Variants in TMEM220 observed in about 807,000 individuals in gnomAD.
TMEM220 encodes transmembrane protein 220.
In TMEM220, 21 loss-of-function variants were observed where a neutral mutation model predicts 21.7. That is an observed-to-expected ratio of 0.97 (90% CI 0.69 to 1.39). TMEM220 has a LOEUF of 1.39. Among genes scored for constraint, TMEM220 ranks in the 40% most tolerant of loss-of-function variants. The pLI is 0.00. For missense variants in TMEM220, 191 were observed against 201.9 expected (o/e 0.95, Z 0.33); for synonymous variants, 80 against 73.6 (o/e 1.09, Z -0.45).
rs1328400116 is a variant in TMEM220, at chr17:10,713,555, T to G, written c.*1898A>C. ...CACAGGGAATTTGCAAATGAGTCTG[T>G]TTTTTTTTTGCATGTGACTTCAGTA... On this transcript the variant is annotated 3_prime_UTR_variant, in exon 6 of 6. Coordinates refer to ENST00000341871, the MANE Select transcript of TMEM220 (RefSeq NM_001004313.3). 1 of 107,530 alleles carries G rather than the reference T, an allele frequency of 9.3e-6. No individual in the cohort carries two copies. Among genetic ancestry groups the G allele is most frequent in the Admixed American group, 8.9e-5 (1 of 11,176 alleles). 6.7% of individuals were successfully genotyped at this position (107,530 alleles called of 1,614,324 possible).
chr17:10,712,720 A>G (rs939395397), downstream of TMEM220, among the ~76,000 whole-genome samples: 1 of 152,246 alleles, frequency 6.6e-6, no homozygotes, highest in South Asian at 2.1e-4. Flanking sequence ...GGATATGCCA[A>G]AGTCAGACAT....
At chr17:10,711,460 T>C (rs1163106573), downstream of TMEM220, among the ~76,000 whole-genome samples, 3 of 152,236 alleles carry the variant, frequency 2.0e-5, no homozygotes, top group African/African-American at 4.8e-5. Flanking sequence ...TGTATTCACA[T>C]GTGTTAACTA....
At chr17:10,725,945 G>T (rs781427864) in intron 3 of TMEM220, among the ~76,000 whole-genome samples, 2 of 152,172 alleles carry the variant, frequency 1.3e-5, no homozygotes, top group Non-Finnish European at 2.9e-5. Flanking sequence ...AGCCCCACTA[G>T]GAGAAACTGT....
chr17:10,716,288 A>T, intron 5 of TMEM220: 1 of 673,460 alleles, frequency 1.5e-6, no homozygotes, highest in Non-Finnish European at 2.8e-6. Flanking sequence ...GGAGGCCATA[A>T]CGCATCATCC....
chr17:10,715,596 GAC>G lies in TMEM220; in HGVS notation c.348-10_348-9del. The G allele has an allele frequency of 6.4e-7, 1 of 1,562,064 alleles. No homozygotes were observed. The highest frequency in any genetic ancestry group is 8.6e-7 in the Non-Finnish European group (1 of 1,164,640). On this transcript the variant is annotated splice_polypyrimidine_tract_variant and intron_variant, in intron 5 of 5. Transcript: ENST00000341871. ...CTTCCACCAACTGGATTCCTATAAA[GAC>G]ACAAAAATTATTATAAATAAAAATC...
chr17:10,718,568 T>G (rs950212611), intron 5 of TMEM220, among the ~76,000 whole-genome samples: 9 of 152,326 alleles, frequency 5.9e-5, no homozygotes, highest in East Asian at 1.9e-4. Flanking sequence ...AAAAATGTAC[T>G]TATGTCTATA....
chr17:10,712,336 C>G (rs368437), downstream of TMEM220, among the ~76,000 whole-genome samples: 2 of 151,858 alleles, frequency 1.3e-5, no homozygotes, highest in Admixed American at 1.3e-4. Context: ...TGGTAACATT[C>G]AGGGCCCAAC....
chr17:10,720,663 A>T (rs184605089), intron 5 of TMEM220, among the ~76,000 whole-genome samples: 1 of 152,358 alleles, frequency 6.6e-6, no homozygotes. Context: ...AAATAATATC[A>T]ATATATTTTC....
rs1245971162 is a variant in TMEM220, at chr17:10,723,289, G to T, written c.328C>A (p.Leu110Met). Reference sequence around the variant, plus strand: ...ACTTACTTTGAGGAACTGTGGCACAGGATAATCCATGCTGTAATAATCACC... The same window carrying T: ...ACTTACTTTGAGGAACTGTGGCACATGATAATCCATGCTGTAATAATCACC... ...GLVIITAWII[L>M]CHSSSKNPVG... The change falls in exon 5 of 6, where the codon CTG becomes ATG. Residue 110 changes from leucine to methionine, a missense_variant. By Grantham distance (15) the Leu-to-Met change is conservative. Coordinates refer to ENST00000341871, the MANE Select transcript of TMEM220 (RefSeq NM_001004313.3). The T allele has an allele frequency of 6.2e-7, 1 of 1,614,086 alleles. No individual in the cohort carries two copies. The highest frequency in any genetic ancestry group is 2.2e-5 in the East Asian group (1 of 44,884).
At chr17:10,717,889 C>T (rs899179603) in intron 5 of TMEM220, among the ~76,000 whole-genome samples, 22 of 151,622 alleles carry the variant, frequency 1.5e-4, no homozygotes, top group African/African-American at 5.1e-4. Context: ...AGTGTGATGT[C>T]GGCTCATCGC....
rs1207596097 is a variant in TMEM220 at position 10,714,087 on chromosome 17, CAG to C, written c.*1364_*1365del. 6.6e-6 allele frequency: 1 copy of C among 152,142 alleles called. No homozygotes were observed. The highest frequency in any genetic ancestry group is 1.5e-5 in the Non-Finnish European group (1 of 68,016). 9.4% of individuals were successfully genotyped at this position (152,142 alleles called of 1,614,324 possible). ...CCACGTAAATAAAAGTAAACAGAAA[CAG>C]ATAAAATCAACTTTAATAGTATATT... On this transcript the variant is annotated 3_prime_UTR_variant, in exon 6 of 6. Coordinates refer to ENST00000341871, the MANE Select transcript of TMEM220 (RefSeq NM_001004313.3).
chr17:10,729,080 A>C lies in TMEM220; in HGVS notation c.73-20T>G. 6.2e-7 allele frequency: 1 copy of C among 1,614,106 alleles called. No homozygotes were observed. The highest frequency in any genetic ancestry group is 1.1e-5 in the South Asian group (1 of 91,074). On this transcript the variant is annotated intron_variant, in intron 1 of 5. Transcript: ENST00000341871. ...ATTTACCTGGAACGCCAGAATACCA[A>C]GGTGTTAGCAGACATCCTGTGCTGT...
downstream of TMEM220, among the ~76,000 whole-genome samples, chr17:10,712,387 A>C (rs1322840234): frequency 6.6e-6 from 1 of 152,224 alleles, no homozygotes; most frequent in East Asian, 1.9e-4. Flanking sequence ...TGGGTTAATC[A>C]CATCTGCAAA....
chr17:10,729,345 C>T (rs553721922), intron 1 of TMEM220, among the ~76,000 whole-genome samples: 5 of 152,232 alleles, frequency 3.3e-5, no homozygotes, highest in African/African-American at 1.2e-4. Flanking sequence ...GGGCCCTCCA[C>T]CCCCACCAGT....
At chr17:10,729,634 G>C in intron 1 of TMEM220, 146 bp downstream of exon 1, 1 of 602,372 alleles carries the variant, frequency 1.7e-6, no homozygotes, top group Non-Finnish European at 2.5e-6. Flanking sequence ...GAAAGTGGGG[G>C]CTCCCCAAGC....
rs890693034 is a variant in TMEM220, at chr17:10,714,232, T to C, written c.*1221A>G. On this transcript the variant is annotated 3_prime_UTR_variant, in exon 6 of 6. Transcript: ENST00000341871. ...ATTTTACATTTATAGCCCCACTCAT[T>C]TGGACACTAAATTTTCATTGGAAAT... 6.6e-6 allele frequency: 1 copy of C among 152,174 alleles called. No homozygotes were observed. Among genetic ancestry groups the C allele is most frequent in the Non-Finnish European group, 1.5e-5 (1 of 68,020 alleles). 9.4% of individuals were successfully genotyped at this position (152,174 alleles called of 1,614,324 possible).
In TMEM220 at chr17:10,726,525, C is replaced by T. The variant is rs139434139; in HGVS notation, c.103-261G>A. On this transcript the variant is annotated intron_variant, in intron 2 of 5. Transcript: ENST00000341871. ...TTTATCTTTGAGCTCTAACACTGAG[C>T]ACAGGGTTTTGGTCTTAAGACACAC... Among the ~76,000 whole-genome samples, 560 of 152,330 alleles carry T rather than the reference C, an allele frequency of 3.7e-3. 3 individuals carry two copies. The highest frequency in any genetic ancestry group is 0.013 in the African/African-American group (536 of 41,558).
intron 2 of TMEM220, among the ~76,000 whole-genome samples, chr17:10,728,087 G>A (rs931010676): frequency 6.6e-6 from 1 of 151,836 alleles, no homozygotes; most frequent in Non-Finnish European, 1.5e-5. Context: ...TCAAACCTGG[G>A]AGGTAGAGGT....
At chr17:10,719,739 GA>G (rs1249202854) in intron 5 of TMEM220, among the ~76,000 whole-genome samples, 1 of 152,096 alleles carries the variant, frequency 6.6e-6, no homozygotes, top group African/African-American at 2.4e-5. Context: ...ACAATTACAT[GA>G]AAAAACAACA....
Sources: gnomAD v4.1 joint callset for allele counts (sites outside exome capture counted in the v4.1 genomes callset) on GRCh38, gnomAD v4.1.1 for gene constraint, MANE v1.5 for transcripts, NCBI Gene and HGNC (gene_info 2026-07-23, HGNC 2026-07-21) for gene names.